KEAP1: variants seen among roughly 807,000 people sequenced by gnomAD.
KEAP1 encodes the protein kelch like ECH associated protein 1, also known as kelch-like ECH-associated protein 1.
In KEAP1, 26 loss-of-function variants were observed where a neutral mutation model predicts 59.7. The observed-to-expected ratio is 0.44, with a 90% CI of 0.32 to 0.60. The LOEUF is 0.60. Among genes scored for constraint, KEAP1 ranks in the 20% least tolerant of loss-of-function variants. The pLI, the probability that KEAP1 is intolerant of heterozygous loss-of-function variation, is 0.06. For synonymous variants in KEAP1, 350 were observed against 358.3 expected, an observed-to-expected ratio of 0.98 and a Z score of 0.26; for missense variants, 539 against 871.4, an observed-to-expected ratio of 0.62 and a Z score of 4.80.
chr19:10,488,782 T>G (rs1914562096), intron 5 of KEAP1, among the ~76,000 whole-genome samples: 1 of 151,400 alleles, frequency 6.6e-6, no homozygotes, highest in African/African-American at 2.4e-5. Context: ...ATACAAAAAA[T>G]TAGCCTGGTG....
chr19:10,486,621 A>T lies in KEAP1; in HGVS notation c.*31T>A, dbSNP rs2144576910. 6.2e-7 allele frequency: 1 copy of T among 1,603,482 alleles called. No homozygotes were observed. On this transcript the variant is annotated 3_prime_UTR_variant, in exon 6 of 6. Transcript: ENST00000171111. ...CAAAAACAATGATACTCCCCATTGG[A>T]CTGTATTTTTGCCCAAGAAACAAAA...
In KEAP1 at chr19:10,498,152, G is replaced by A. The variant is rs1023119804; in HGVS notation, c.639+1243C>T. On this transcript the variant is annotated intron_variant, in intron 2 of 5. Coordinates refer to ENST00000171111, the MANE Select transcript of KEAP1 (RefSeq NM_203500.2). ...CGACCGCAGGTGATCTGCCCACCTT[G>A]GCCTTCCAAAGTGCTGGGATTATAG... is the stretch of plus-strand genomic sequence containing the variant. Among the ~76,000 whole-genome samples the A allele has an allele frequency of 2.6e-4, 39 of 150,198 alleles. 1 individual carries two copies. Among genetic ancestry groups the A allele is most frequent in the Admixed American group, 8.7e-4 (13 of 14,946 alleles).
At chr19:10,498,359 C>T (rs1440876115) in intron 2 of KEAP1, among the ~76,000 whole-genome samples, 1 of 151,848 alleles carries the variant, frequency 6.6e-6, no homozygotes, top group African/African-American at 2.4e-5. Context: ...GCCACTACAC[C>T]CGGCTAGTTT....
intron 3 of KEAP1, among the ~76,000 whole-genome samples, chr19:10,490,188 G>C (rs552711154): frequency 1.9e-4 from 29 of 151,474 alleles, no homozygotes; most frequent in African/African-American, 6.5e-4. Flanking sequence ...GGAGGCGGAG[G>C]TTGCAGCGAG....
rs757852533 is a variant in KEAP1, at chr19:10,486,634, C to T, written c.*18G>A. 3 of 1,608,948 alleles carry T rather than the reference C, an allele frequency of 1.9e-6. No individual in the cohort carries two copies. The highest frequency in any genetic ancestry group is 1.7e-6 in the Non-Finnish European group (2 of 1,177,778). ...ACTCCCCATTGGACTGTATTTTTGC[C>T]CAAGAAACAAAAGTGCCTCAACAGG... On this transcript the variant is annotated 3_prime_UTR_variant, in exon 6 of 6. Transcript: ENST00000171111.
intron 1 of KEAP1, among the ~76,000 whole-genome samples, chr19:10,501,292 C>T (rs1404493032): frequency 6.6e-6 from 1 of 151,944 alleles, no homozygotes; most frequent in African/African-American, 2.4e-5. Flanking sequence ...GGCTGGAGTA[C>T]AGTGGTGCGA....
intron 2 of KEAP1, among the ~76,000 whole-genome samples, chr19:10,498,262 C>T (rs1914923037): frequency 1.4e-5 from 2 of 144,292 alleles, no homozygotes; most frequent in South Asian, 2.2e-4. Flanking sequence ...TGCAATGGTG[C>T]GATCTCGGCT....
At chr19:10,498,722 C>G (rs747382989) in intron 2 of KEAP1, among the ~76,000 whole-genome samples, 4 of 152,178 alleles carry the variant, frequency 2.6e-5, no homozygotes, top group Non-Finnish European at 4.4e-5. Flanking sequence ...CTCTGCCCCA[C>G]TTTGACCCCA....
In KEAP1 at chr19:10,502,726, C is replaced by G. The variant is rs549227955; in HGVS notation, c.-48+515G>C. On this transcript the variant is annotated intron_variant, in intron 1 of 5. Transcript: ENST00000171111. This position sits in a 1 kb window ranked among gnomAD's most constrained non-coding sequence, Gnocchi z 4.0. Reference sequence around the variant, plus strand: ...CCATGGCCGCGCTCCGGCTCCGCCTCCACCGCCCGAGCCCCGGCGCCTCCA... The same window carrying G: ...CCATGGCCGCGCTCCGGCTCCGCCTGCACCGCCCGAGCCCCGGCGCCTCCA... 6.6e-6 allele frequency: 1 copy of G among 152,190 alleles called. No homozygotes were observed. The highest frequency in any genetic ancestry group is 6.5e-5 in the Admixed American group (1 of 15,290). The allele number at this position is 152,190 out of a possible 1,614,324, so 9.4% of individuals were successfully genotyped here.
In KEAP1 at chr19:10,486,232, A is replaced by G. The variant is rs1167452266; in HGVS notation, c.*420T>C. The G allele has an allele frequency of 4.2e-6, 1 of 235,752 alleles. No homozygotes were observed. Among genetic ancestry groups the G allele is most frequent in the Non-Finnish European group, 8.3e-6 (1 of 120,124 alleles). 14.6% of individuals were successfully genotyped at this position (235,752 alleles called of 1,614,324 possible). A position where few individuals can be genotyped will look rare whatever the true frequency, so the allele number is the denominator to read the frequency against. On this transcript the variant is annotated 3_prime_UTR_variant, in exon 6 of 6. Coordinates refer to ENST00000171111, the MANE Select transcript of KEAP1 (RefSeq NM_203500.2). ...GGGGAAGTGCCATCCGGTGGCTTCT[A>G]TGTACAGGCCCATCCCTGGGAACCA...
At chr19:10,490,110 G>T (rs773021529) in intron 3 of KEAP1, among the ~76,000 whole-genome samples, 8 of 151,812 alleles carry the variant, frequency 5.3e-5, no homozygotes, top group Non-Finnish European at 8.8e-5. Context: ...AAATTAGCTG[G>T]GTGTGATGGC....
rs2144637996 is a variant in KEAP1, at chr19:10,502,613, C to G, written c.-48+628G>C. 1 of 152,270 alleles carries G rather than the reference C, an allele frequency of 6.6e-6. No individual in the cohort carries two copies. The highest frequency in any genetic ancestry group is 1.5e-5 in the Non-Finnish European group (1 of 68,004). The allele number at this position is 152,270 out of a possible 1,614,324, so 9.4% of individuals were successfully genotyped here. On this transcript the variant is annotated intron_variant, in intron 1 of 5. Transcript: ENST00000171111. This position sits in a 1 kb window ranked among gnomAD's most constrained non-coding sequence, Gnocchi z 4.0. Reference sequence around the variant, plus strand: ...TCGGAGGCGCCCTGGGCCGTGGCGCCCGTTTTCCTGGTCTCCGGGCACGGC... The same window carrying G: ...TCGGAGGCGCCCTGGGCCGTGGCGCGCGTTTTCCTGGTCTCCGGGCACGGC...
chr19:10,492,577 G>A (rs896481091), intron 2 of KEAP1: 35 of 307,988 alleles, frequency 1.1e-4, no homozygotes, highest in Non-Finnish European at 1.8e-4. Context: ...AATTACCCGG[G>A]TGTGGTGGCA....
In KEAP1 at chr19:10,486,656, C is replaced by T. The variant is rs1005014283; in HGVS notation, c.1871G>A (p.Cys624Tyr). ...RKQIDQQNCT[C>Y] ...TGCCCAAGAAACAAAAGTGCCTCAA[C>T]AGGTACAGTTCTGCTGGTCAATCTG... The change falls in exon 6 of 6, where the codon TGT (cysteine) becomes TAT (tyrosine). Residue 624 changes from cysteine to tyrosine, a missense_variant. Physicochemically the swap from Cys to Tyr is radical, Grantham distance 194 (BLOSUM62 -2). Coordinates refer to ENST00000171111, the MANE Select transcript of KEAP1 (RefSeq NM_203500.2). The T allele has an allele frequency of 6.6e-5, 106 of 1,613,488 alleles. No homozygotes were observed. The highest frequency in any genetic ancestry group is 8.8e-5 in the Non-Finnish European group (104 of 1,179,826).
chr19:10,496,197 G>GA (rs67843150), intron 2 of KEAP1, among the ~76,000 whole-genome samples: 235 of 117,526 alleles, frequency 2.0e-3, no homozygotes, highest in East Asian at 2.9e-3. Flanking sequence ...TCTAAAAAAA[G>GA]AAAAAAAAAA....
chr19:10,489,132 G>A (rs1914578925), intron 5 of KEAP1, 60 bp downstream of exon 5: 388 of 705,918 alleles, frequency 5.5e-4, no homozygotes, highest in South Asian at 2.3e-3. Flanking sequence ...GAAAGCAAAA[G>A]CAAAAGCAGT....
In KEAP1 at chr19:10,486,603, A is replaced by T. The variant is rs1371407919; in HGVS notation, c.*49T>A. ...TTAGTCCCGGTTTTTGTACAAAAAC[A>T]ATGATACTCCCCATTGGACTGTATT... On this transcript the variant is annotated 3_prime_UTR_variant, in exon 6 of 6. Transcript: ENST00000171111. The T allele has an allele frequency of 6.4e-7, 1 of 1,552,672 alleles. No individual in the cohort carries two copies. Among genetic ancestry groups the T allele is most frequent in the African/African-American group, 1.4e-5 (1 of 72,938 alleles).
intron 2 of KEAP1, among the ~76,000 whole-genome samples, chr19:10,495,485 G>A (rs567537528): frequency 1.3e-5 from 2 of 152,102 alleles, no homozygotes; most frequent in Non-Finnish European, 2.9e-5. Context: ...ATCACCTGAG[G>A]TCAGAAGTCC....
At chr19:10,489,973 C>T in intron 3 of KEAP1, 120 bp from the exon 4 acceptor site, 1 of 976,756 alleles carries the variant, frequency 1.0e-6, no homozygotes, top group Non-Finnish European at 1.5e-6. Context: ...ACAGGTTCAT[C>T]CGGCGCGATG....
Sources: allele counts gnomAD v4.1 joint callset (sites outside exome capture counted in the v4.1 genomes callset), GRCh38; gene constraint gnomAD v4.1.1; non-coding constraint Gnocchi (gnomAD v3.1); transcripts MANE v1.5; gene names NCBI Gene and HGNC (gene_info 2026-07-23, HGNC 2026-07-21).